The following ROR2 variants were observed in gnomAD, a reference collection of about 807,000 sequenced individuals.
ROR2 encodes the protein ROR family WNT receptor 2.
ROR2 carries 33 observed loss-of-function variants against 74.9 expected under a neutral mutation model. The ratio of observed to expected loss-of-function variants is 0.44; its 90% CI spans 0.33 to 0.59. The LOEUF (loss-of-function observed/expected upper bound fraction) is 0.59, where lower values mean the gene tolerates loss of function less well. Ranked by LOEUF, ROR2 falls within the 20% of genes least tolerant of loss-of-function variation. The pLI, the probability that ROR2 is intolerant of heterozygous loss-of-function variation, is 0.02. For missense variants in ROR2, 1,216 were observed against 1,313.8 expected, an observed-to-expected ratio of 0.93 and a Z score of 1.15; for synonymous variants, 586 against 558.7, an observed-to-expected ratio of 1.05 and a Z score of -0.69.
At chr9:91,796,694 C>T (rs1827184773) in intron 1 of ROR2, among the ~76,000 whole-genome samples, 1 of 151,758 alleles carries the variant, frequency 6.6e-6, no homozygotes, top group Non-Finnish European at 1.5e-5. Context: ...GTAGATGGGG[C>T]TGATACACTG....
chr9:91,916,434 C>T (rs1436885019), intron 1 of ROR2, among the ~76,000 whole-genome samples: 1 of 152,208 alleles, frequency 6.6e-6, no homozygotes, highest in Non-Finnish European at 1.5e-5. Flanking sequence ...GATGCACTCC[C>T]TGCAGGGAGT....
At chr9:91,756,940 G>GTT (rs1825770854) in intron 3 of ROR2, among the ~76,000 whole-genome samples, 2 of 151,898 alleles carry the variant, frequency 1.3e-5, no homozygotes, top group Admixed American at 6.6e-5. Flanking sequence ...AGTAGAGATG[G>GTT]AGTTTCTACT....
intron 1 of ROR2, among the ~76,000 whole-genome samples, chr9:91,832,704 C>T (rs928689936): frequency 2.0e-5 from 3 of 152,196 alleles, no homozygotes; most frequent in Non-Finnish European, 4.4e-5. Flanking sequence ...TGCGCCTGGT[C>T]AGACCCAACA....
At chr9:91,744,213 C>CTTTTTTTTTTTTT (rs1167780367) in intron 4 of ROR2, among the ~76,000 whole-genome samples, 1 of 89,082 alleles carries the variant, frequency 1.1e-5, no homozygotes, top group Admixed American at 1.8e-4. Context: ...AATTTGTTAA[C>CTTTTTTTTTTTTT]TTTTTTTTTT....
chr9:91,768,865 A>G (rs1455710666), intron 2 of ROR2, among the ~76,000 whole-genome samples: 3 of 152,124 alleles, frequency 2.0e-5, no homozygotes, highest in African/African-American at 7.2e-5. Flanking sequence ...GATCCAGACA[A>G]CCCAATAGGC....
Position 91,851,837 on chromosome 9 carries a change from G to A in ROR2, c.98-76019C>T, listed in dbSNP as rs1829104374. On this transcript the variant is annotated intron_variant, in intron 1 of 8. Coordinates refer to ENST00000375708, the MANE Select transcript of ROR2 (RefSeq NM_004560.4). ...TAAAAGTACAAAGAATTAGCCGGAT[G>A]TGGTAGTGCGCGCCTGTAATCACAG... Among the ~76,000 whole-genome samples the A allele has an allele frequency of 1.3e-5, 2 of 151,974 alleles. 1 individual carries two copies. The highest frequency in any genetic ancestry group is 1.3e-4 in the Admixed American group (2 of 15,242).
intron 2 of ROR2, among the ~76,000 whole-genome samples, chr9:91,768,247 G>C (rs1056189968): frequency 1.3e-5 from 2 of 152,194 alleles, no homozygotes; most frequent in Non-Finnish European, 2.9e-5. Flanking sequence ...ATGTCTTAAG[G>C]CACCTCGTCT....
intron 1 of ROR2, among the ~76,000 whole-genome samples, chr9:91,874,568 C>T (rs917146493): frequency 6.6e-6 from 1 of 152,166 alleles, no homozygotes; most frequent in African/African-American, 2.4e-5. Context: ...CTGACCTCAG[C>T]CTGCTTCACA....
chr9:91,761,221 G>C (rs1207330717), intron 2 of ROR2, among the ~76,000 whole-genome samples: 2 of 152,124 alleles, frequency 1.3e-5, no homozygotes, highest in Non-Finnish European at 2.9e-5. Context: ...ATAGACCAGT[G>C]GTCCCCAGTC....
chr9:91,731,784 G>A (rs1192671297), intron 6 of ROR2, among the ~76,000 whole-genome samples: 2 of 152,078 alleles, frequency 1.3e-5, no homozygotes, highest in Non-Finnish European at 2.9e-5. Context: ...ATGTGGTAAC[G>A]CACGCCTGTA....
intron 4 of ROR2, among the ~76,000 whole-genome samples, chr9:91,744,696 T>C (rs1168111212): frequency 6.6e-6 from 1 of 152,178 alleles, no homozygotes; most frequent in Non-Finnish European, 1.5e-5. Flanking sequence ...TTTGATATCA[T>C]AAAAATCCAA....
At chr9:91,827,127 TTAATA>T (rs1255090506) in intron 1 of ROR2, among the ~76,000 whole-genome samples, 1 of 152,152 alleles carries the variant, frequency 6.6e-6, no homozygotes, top group Admixed American at 6.5e-5. Flanking sequence ...ACATTAACTT[TTAATA>T]TAATATTAAT....
chr9:91,752,276 T>G (rs1202010811), intron 4 of ROR2, among the ~76,000 whole-genome samples: 1 of 152,220 alleles, frequency 6.6e-6, no homozygotes, highest in Non-Finnish European at 1.5e-5. Context: ...ACAAAAAGTA[T>G]AGAGTATTCC....
chr9:91,949,889 C>T lies in ROR2; in HGVS notation c.75G>A (p.Leu25=), dbSNP rs148237260. The stretch of plus-strand genomic sequence containing the variant: ...TACCTGAAGTCCGGGACACTGAGAG[C>T]AGAAGCGCGGCGGCCGCCCAGACGG... ...IPAVWAAAAL[L]LSVSRTSGEV... The change falls in exon 1 of 9, where the codon CTG becomes CTA. Residue 25 remains leucine (L), a synonymous_variant. Coordinates refer to ENST00000375708, the MANE Select transcript of ROR2 (RefSeq NM_004560.4). 2.5e-3 allele frequency: 3,908 copies of T among 1,541,364 alleles called. 80 individuals are homozygous for T. In the African/African-American group the frequency reaches 0.044, roughly 17 times the overall value.
At chr9:91,740,572 A>ATATG (rs1295339749) in intron 4 of ROR2, among the ~76,000 whole-genome samples, 1 of 149,680 alleles carries the variant, frequency 6.7e-6, no homozygotes, top group Non-Finnish European at 1.5e-5. Context: ...GGGAATATAT[A>ATATG]TATGTATATA....
intron 1 of ROR2, among the ~76,000 whole-genome samples, chr9:91,846,055 T>G (rs1313208736): frequency 3.9e-5 from 6 of 151,926 alleles, no homozygotes; most frequent in Admixed American, 2.0e-4. Context: ...AGCCACTGGG[T>G]GATACCAACC....
intron 1 of ROR2, among the ~76,000 whole-genome samples, chr9:91,946,013 C>T (rs1832003974): frequency 6.6e-6 from 1 of 152,196 alleles, no homozygotes; most frequent in Admixed American, 6.5e-5. Flanking sequence ...GAAGCCCACA[C>T]TACCCACTGA....
chr9:91,835,866 C>T (rs2119200154), intron 1 of ROR2, among the ~76,000 whole-genome samples: 1 of 152,338 alleles, frequency 6.6e-6, no homozygotes, highest in South Asian at 2.1e-4. Context: ...CACGAGATGT[C>T]TCCTCCACAT....
chr9:91,804,592 G>C (rs542660003), intron 1 of ROR2, among the ~76,000 whole-genome samples: 1 of 152,278 alleles, frequency 6.6e-6, no homozygotes, highest in East Asian at 1.9e-4. Context: ...AGCGTCATGC[G>C]GCCTGTACTT....
Sources: allele counts gnomAD v4.1 joint callset (sites outside exome capture counted in the v4.1 genomes callset), GRCh38; gene constraint gnomAD v4.1.1; transcripts MANE v1.5; gene names NCBI Gene and HGNC (gene_info 2026-07-23, HGNC 2026-07-21).